Variants in ZNF711 observed in about 807,000 individuals in gnomAD.
ZNF711 encodes ZFX family zinc finger ZNF711, also known as zinc finger protein 711.
In ZNF711, 3 loss-of-function variants were observed where a neutral mutation model predicts 43.5. The ratio of observed to expected loss-of-function variants is 0.07; its 90% CI spans 0.03 to 0.18. The LOEUF is 0.18. ZNF711 is among the 10% of genes least tolerant of loss of function. The pLI, the probability that ZNF711 is intolerant of heterozygous loss-of-function variation, is 1.00. For synonymous variants in ZNF711, 209 were observed against 207.7 expected (o/e 1.01, Z -0.06); for missense variants, 412 against 604.0 (o/e 0.68, Z 3.33).
Position 85,271,387 on chromosome X carries a change from G to A in ZNF711, c.1983G>A (p.Lys661=). The A allele has an allele frequency of 8.3e-7, 1 of 1,210,759 alleles. No homozygotes were observed. The highest frequency in any genetic ancestry group is 1.1e-6 in the Non-Finnish European group (1 of 895,136). ...GGCACATCATATCTGTCCATACTAA[G>A]GATTTTCCTCACAAATGTGAGGTCT... ...LKRHIISVHT[K]DFPHKCEVCD... The change falls in exon 11 of 11, where the codon AAG becomes AAA. Residue 661 remains lysine, a synonymous_variant. Transcript: ENST00000674551.
chrX:85,273,198 T>A lies in ZNF711; in HGVS notation c.*1370T>A, dbSNP rs1931681295. 1 of 112,059 alleles carries A rather than the reference T, an allele frequency of 8.9e-6. No homozygotes were observed. 9.2% of individuals were successfully genotyped at this position (112,059 alleles called of 1,213,427 possible). On this transcript the variant is annotated 3_prime_UTR_variant, in exon 11 of 11. Coordinates refer to ENST00000674551, the MANE Select transcript of ZNF711 (RefSeq NM_001330574.2). ...TTGAGAATAAATTTTTTATCTTTCTTAACTTCAGAATATTAAATTTGGAAT... is the reference window on the plus strand; with the variant it reads ...TTGAGAATAAATTTTTTATCTTTCTAAACTTCAGAATATTAAATTTGGAAT...
intron 9 of ZNF711, among the ~76,000 whole-genome samples, chrX:85,269,152 A>G (rs1373564456): frequency 9.0e-6 from 1 of 111,311 alleles, no homozygotes; most frequent in Non-Finnish European, 1.9e-5. Flanking sequence ...AGTACTCTTT[A>G]TATCAAGTAC....
chrX:85,251,211 G>GTTCT (rs200787275), intron 4 of ZNF711, among the ~76,000 whole-genome samples: 14,773 of 110,905 alleles, frequency 0.13, 741 homozygotes, highest in South Asian at 0.18. Context: ...ATTCTGTAAG[G>GTTCT]TTCTTGGTTG....
Position 85,265,238 on chromosome X carries a change from A to G in ZNF711, c.899A>G (p.Gln300Arg). 8.3e-7 allele frequency: 1 copy of G among 1,208,306 alleles called. No individual in the cohort carries two copies. Among genetic ancestry groups the G allele is most frequent in the Non-Finnish European group, 1.1e-6 (1 of 893,252 alleles). The stretch of plus-strand genomic sequence containing the variant: ...TACATGGCAGTTAAAGATTCTTCTC[A>G]AGAAGAAGATGATATCAGTAAGAAA... ...MVYMAVKDSS[Q>R]EEDDISCAEI... Residue 300 changes from glutamine to arginine, a missense_variant, in exon 7 of 11, where the codon CAA (glutamine) becomes CGA (arginine). Transcript: ENST00000674551.
At position 85,271,637 on chromosome X, in the gene ZNF711, A is replaced by C. The variant is rs748557561; in HGVS notation, c.2233A>C (p.Thr745Pro). The change falls in exon 11 of 11, where the codon ACT becomes CCT. Residue 745 changes from threonine to proline, a missense_variant. Physicochemically the swap from Thr to Pro is conservative, Grantham distance 38 (BLOSUM62 -1). Transcript: ENST00000674551. ...GCTAAAAAAACATATGAAGACCCAT[A>C]CTGGAAGGAAGATTTACCAATGTGA... Reference protein sequence around the residue: ...NELKKHMKTHTGRKIYQCEYC... With the variant: ...NELKKHMKTHPGRKIYQCEYC... 1 of 1,210,350 alleles carries C rather than the reference A, an allele frequency of 8.3e-7. No individual in the cohort carries two copies. The highest frequency in any genetic ancestry group is 1.1e-6 in the Non-Finnish European group (1 of 894,634).
intron 9 of ZNF711, among the ~76,000 whole-genome samples, chrX:85,269,737 T>A: frequency 8.9e-6 from 1 of 112,153 alleles, no homozygotes; most frequent in South Asian, 3.7e-4. Context: ...AGAGATATTT[T>A]AAATTTAATT....
At chrX:85,255,827 TACTC>T (rs770637430) in intron 5 of ZNF711, 26 bp downstream of exon 5, 21 of 1,193,889 alleles carry the variant, frequency 1.8e-5, no homozygotes, top group Non-Finnish European at 2.4e-5. Flanking sequence ...AGCCCATAAT[TACTC>T]AGGAGATTGA....
At chrX:85,248,190 C>A (rs1708037293) in intron 4 of ZNF711, among the ~76,000 whole-genome samples, 1 of 95,024 alleles carries the variant, frequency 1.1e-5, no homozygotes. Context: ...AAAAAAGAGG[C>A]CGGGCTTCGT....
In ZNF711 at chrX:85,269,026, A is replaced by G. The variant is rs148631898; in HGVS notation, c.1102+685A>G. Among the ~76,000 whole-genome samples, 13 of 111,713 alleles carry G rather than the reference A, an allele frequency of 1.2e-4. No homozygotes were observed. The East Asian group carries it at 3.1e-3, about 27-fold the overall frequency. On this transcript the variant is annotated intron_variant, in intron 9 of 10. Transcript: ENST00000674551. ...TTTAGCTAAATTGCATAAAACCACAATGGATTTTTGATAACTAGGATTTTA... is the reference window on the plus strand; with the variant it reads ...TTTAGCTAAATTGCATAAAACCACAGTGGATTTTTGATAACTAGGATTTTA...
intron 4 of ZNF711, among the ~76,000 whole-genome samples, chrX:85,250,010 T>C (rs1002764265): frequency 1.8e-5 from 2 of 112,486 alleles, no homozygotes; most frequent in Non-Finnish European, 3.8e-5. Context: ...ATCCATGTTA[T>C]AGCATGTATC....
rs1229109572 is a variant in ZNF711 at position 85,255,591 on chromosome X, A to C, written c.412A>C (p.Asn138His). 8.3e-6 allele frequency: 10 copies of C among 1,209,775 alleles called. No individual in the cohort carries two copies. The highest frequency in any genetic ancestry group is 1.1e-5 in the Non-Finnish European group (10 of 895,164). ...VFVADLVTGP[N>H]GHLEHVVQDC... ...CGTGGCTGACCTTGTTACTGGTCCT[A>C]ATGGACACTTAGAACATGTGGTCCA... The change falls in exon 5 of 11, where the codon AAT becomes CAT. Residue 138 changes from asparagine to histidine, a missense_variant. Physicochemically the swap from Asn to His is moderately conservative, Grantham distance 68. This residue lies in a region of ZNF711 where 375 missense variants were observed against 514.2 expected (regional missense o/e 0.73). Coordinates refer to ENST00000674551, the MANE Select transcript of ZNF711 (RefSeq NM_001330574.2).
chrX:85,268,189 G>T, intron 8 of ZNF711, 105 bp from the exon 9 acceptor site: 3 of 996,095 alleles, frequency 3.0e-6, no homozygotes, highest in Non-Finnish European at 4.1e-6. Context: ...CCAAGGAATG[G>T]TGGGCAAAGT....
chrX:85,248,173 T>A (rs185882650), intron 4 of ZNF711, among the ~76,000 whole-genome samples: 4,153 of 99,187 alleles, frequency 0.042, 144 homozygotes, highest in African/African-American at 0.12. Flanking sequence ...TTTTTTTTTT[T>A]AAAAAAAAAA....
intron 5 of ZNF711, among the ~76,000 whole-genome samples, chrX:85,257,065 C>T (rs1286441101): frequency 3.6e-5 from 4 of 111,414 alleles, no homozygotes; most frequent in Admixed American, 2.9e-4. Context: ...ACAGTCATAC[C>T]TTGTGTTATC....
intron 7 of ZNF711, among the ~76,000 whole-genome samples, chrX:85,267,040 T>C (rs1005473967): frequency 4.5e-5 from 5 of 110,021 alleles, no homozygotes; most frequent in African/African-American, 1.3e-4. Context: ...TTTTATAAAA[T>C]TTTTAAAAGC....
Position 85,270,646 on chromosome X carries a change from T to C in ZNF711, c.1247-5T>C, listed in dbSNP as rs201610645. The C allele has an allele frequency of 8.4e-7, 1 of 1,194,308 alleles. No individual in the cohort carries two copies. ...ATGTCACAACTTTCTCTTTTCTTTA[T>C]CTAGCTGTTATAATAGGTCCTGATG... On this transcript the variant is annotated splice_region_variant and splice_polypyrimidine_tract_variant and intron_variant, in intron 10 of 10. Transcript: ENST00000674551.
At chrX:85,249,139 A>G (rs941700907) in intron 4 of ZNF711, among the ~76,000 whole-genome samples, 2 of 111,907 alleles carry the variant, frequency 1.8e-5, no homozygotes, top group Admixed American at 9.5e-5. Context: ...TGTGTTGACT[A>G]TGGATGATTT....
chrX:85,251,565 T>C (rs775854104), intron 4 of ZNF711, among the ~76,000 whole-genome samples: 1 of 111,694 alleles, frequency 9.0e-6, no homozygotes, highest in East Asian at 2.8e-4. Context: ...ATACTGGAAA[T>C]CAGGACATGT....
At chrX:85,254,230 C>T (rs1929820755) in intron 4 of ZNF711, among the ~76,000 whole-genome samples, 1 of 110,548 alleles carries the variant, frequency 9.0e-6, no homozygotes, top group Non-Finnish European at 1.9e-5. Flanking sequence ...TGTAAGAAAT[C>T]GCCAAACTAC....
Sources: gnomAD v4.1 joint callset for allele counts (sites outside exome capture counted in the v4.1 genomes callset) on GRCh38, gnomAD v4.1.1 for gene constraint, gnomAD v4.1.1 regional missense constraint, MANE v1.5 for transcripts, NCBI Gene and HGNC (gene_info 2026-07-23, HGNC 2026-07-21) for gene names.